GRM1: variants seen among roughly 807,000 people sequenced by gnomAD.
The protein encoded by GRM1 is metabotropic glutamate receptor 1.
A neutral mutation model predicts 90.9 loss-of-function variants in GRM1; 33 were observed. The observed-to-expected ratio is 0.36, with a 90% CI of 0.28 to 0.49. The LOEUF is 0.49. Among genes scored for constraint, GRM1 ranks in the 20% least tolerant of loss-of-function variants. GRM1 has a pLI of 0.99. For missense variants in GRM1, 1,190 were observed against 1,534.3 expected (o/e 0.78, Z 3.75); for synonymous variants, 700 against 613.2 (o/e 1.14, Z -2.09).
intron 2 of GRM1, among the ~76,000 whole-genome samples, chr6:146,166,443 G>A (rs1777906824): frequency 6.6e-6 from 1 of 152,102 alleles, no homozygotes; most frequent in African/African-American, 2.4e-5. Context: ...TACCATTTCA[G>A]CTCTGTTTTT....
intron 7 of GRM1, among the ~76,000 whole-genome samples, chr6:146,408,249 C>G (rs1387682391): frequency 6.6e-6 from 1 of 152,220 alleles, no homozygotes; most frequent in East Asian, 1.9e-4. Flanking sequence ...TTCCAAAGGC[C>G]CTACCTCTTC....
At chr6:146,068,400 A>C (rs1051988064) in intron 1 of GRM1, among the ~76,000 whole-genome samples, 2 of 152,174 alleles carry the variant, frequency 1.3e-5, no homozygotes, top group Non-Finnish European at 2.9e-5. Context: ...GGCATGAGCC[A>C]CCGCGCCCGG....
At chr6:146,041,799 A>T (rs558060022) in intron 1 of GRM1, among the ~76,000 whole-genome samples, 3 of 151,996 alleles carry the variant, frequency 2.0e-5, no homozygotes, top group African/African-American at 4.8e-5. Flanking sequence ...TGTGAGGAAG[A>T]TGGAAGGCAT....
At chr6:146,406,318 G>T (rs1777345860) in intron 7 of GRM1, among the ~76,000 whole-genome samples, 1 of 152,140 alleles carries the variant, frequency 6.6e-6, no homozygotes, top group South Asian at 2.1e-4. Context: ...TATTAACATA[G>T]TATGAAAAAT....
intron 2 of GRM1, among the ~76,000 whole-genome samples, chr6:146,180,573 T>C (rs55743500): frequency 0.044 from 6,723 of 152,312 alleles, 179 homozygotes; most frequent in Admixed American, 0.061. Context: ...CTGATTATTC[T>C]ATTTAAGAAA....
chr6:146,182,056 C>G (rs949455602), intron 2 of GRM1, among the ~76,000 whole-genome samples: 4 of 152,004 alleles, frequency 2.6e-5, no homozygotes, highest in African/African-American at 9.7e-5. Context: ...CCACAGCTTA[C>G]CTAAGAAGTT....
At chr6:146,430,159 A>G (rs1316352400) in intron 7 of GRM1, among the ~76,000 whole-genome samples, 3 of 152,076 alleles carry the variant, frequency 2.0e-5, no homozygotes, top group Non-Finnish European at 2.9e-5. Flanking sequence ...TATTTACACC[A>G]CCCACTCTCA....
At chr6:146,324,370 C>T (rs1309772076) in intron 3 of GRM1, among the ~76,000 whole-genome samples, 1 of 152,192 alleles carries the variant, frequency 6.6e-6, no homozygotes, top group Non-Finnish European at 1.5e-5. Flanking sequence ...AATTGGCTCC[C>T]TGGCTTCAGC....
chr6:146,103,072 G>T (rs984440614), intron 1 of GRM1, among the ~76,000 whole-genome samples: 1 of 152,144 alleles, frequency 6.6e-6, no homozygotes, highest in African/African-American at 2.4e-5. Context: ...CTTGGATGGC[G>T]TGGCTGTCCT....
chr6:146,028,378 T>G (rs536459912), upstream of GRM1, among the ~76,000 whole-genome samples: 7 of 151,962 alleles, frequency 4.6e-5, no homozygotes, highest in South Asian at 1.5e-3. Context: ...TGCCAGGGAA[T>G]GTCTGGCTGG....
rs373872800 is a variant in GRM1, at chr6:146,407,562, C to G, written c.2660+7863C>G. 2.4e-4 allele frequency among the ~76,000 whole-genome samples: 37 copies of G among 152,244 alleles called. 1 individual carries two copies. In the South Asian group the frequency reaches 2.9e-3, roughly 12 times the overall value. On this transcript the variant is annotated intron_variant, in intron 7 of 7. Transcript: ENST00000282753. Reference sequence around the variant, plus strand: ...GTTCTGAAACTTAATATTTTATTCTCATATGTTAATGTGTAGTTTCTAAAC... The same window carrying G: ...GTTCTGAAACTTAATATTTTATTCTGATATGTTAATGTGTAGTTTCTAAAC...
At position 146,243,794 on chromosome 6, in the gene GRM1, A is replaced by T. The variant is rs531359458; in HGVS notation, c.951-60817A>T. On this transcript the variant is annotated intron_variant, in intron 2 of 7. Coordinates refer to ENST00000282753, the MANE Select transcript of GRM1 (RefSeq NM_001278064.2). Reference sequence around the variant, plus strand: ...AAATTTATTAGGTGGGAATGTCCTCATCCTAATAAGCCTGGGAGCACTACG... The same window carrying T: ...AAATTTATTAGGTGGGAATGTCCTCTTCCTAATAAGCCTGGGAGCACTACG... Among the ~76,000 whole-genome samples, 13 of 152,252 alleles carry T rather than the reference A, an allele frequency of 8.5e-5. No individual in the cohort carries two copies. In the South Asian group the frequency reaches 2.7e-3, roughly 32 times the overall value.
At chr6:146,261,764 T>A (rs1004776362) in intron 2 of GRM1, among the ~76,000 whole-genome samples, 2 of 152,016 alleles carry the variant, frequency 1.3e-5, no homozygotes, top group African/African-American at 2.4e-5. Flanking sequence ...TTAATCTAAT[T>A]TTAGCATATG....
At position 146,140,761 on chromosome 6, in the gene GRM1, C is replaced by CT. The variant is rs562674632; in HGVS notation, c.701-18580dup. ...TTAACTTTGTTGAAAAAGTTTTTAA[C>CT]TTTTTTTAACAGAAGTTTAAAACCT... On this transcript the variant is annotated intron_variant, in intron 1 of 7. Coordinates refer to ENST00000282753, the MANE Select transcript of GRM1 (RefSeq NM_001278064.2). 5.3e-3 allele frequency among the ~76,000 whole-genome samples: 801 copies of CT among 152,134 alleles called. 5 individuals are homozygous for CT. The highest frequency in any genetic ancestry group is 0.019 in the African/African-American group (779 of 41,458).
In GRM1 at chr6:146,338,057, A is replaced by G. The variant is rs3025913; in HGVS notation, c.1187-14193A>G. Among the ~76,000 whole-genome samples, 728 of 152,284 alleles carry G rather than the reference A, an allele frequency of 4.8e-3. 4 individuals are homozygous for G. The highest frequency in any genetic ancestry group is 0.017 in the African/African-American group (698 of 41,558). On this transcript the variant is annotated intron_variant, in intron 3 of 7. Coordinates refer to ENST00000282753, the MANE Select transcript of GRM1 (RefSeq NM_001278064.2). ...TCTAAAGAAACGTCTTAATCGAACA[A>G]TTTTACTGCAAATGATTCATACCAA...
chr6:146,174,451 G>A (rs1778258810), intron 2 of GRM1, among the ~76,000 whole-genome samples: 1 of 152,194 alleles, frequency 6.6e-6, no homozygotes, highest in South Asian at 2.1e-4. Context: ...ACCTAGATAA[G>A]TGCAAAGGAG....
At chr6:146,341,825 G>A (rs1448527127) in intron 3 of GRM1, among the ~76,000 whole-genome samples, 1 of 152,138 alleles carries the variant, frequency 6.6e-6, no homozygotes, top group African/African-American at 2.4e-5. Flanking sequence ...TATAGGCATG[G>A]GCGCTGCTTC....
At chr6:146,039,516 T>C (rs1232202879) in intron 1 of GRM1, among the ~76,000 whole-genome samples, 2 of 151,894 alleles carry the variant, frequency 1.3e-5, no homozygotes, top group African/African-American at 4.8e-5. Context: ...GGTGAGCCAG[T>C]GAAGAATTTT....
intron 2 of GRM1, among the ~76,000 whole-genome samples, chr6:146,183,157 C>G (rs114895938): frequency 4.6e-4 from 70 of 152,182 alleles, no homozygotes; most frequent in African/African-American, 1.6e-3. Flanking sequence ...TATCATCTAT[C>G]GTCTAGTCAC....
Sources: allele counts gnomAD v4.1 joint callset (sites outside exome capture counted in the v4.1 genomes callset), GRCh38; gene constraint gnomAD v4.1.1; transcripts MANE v1.5; gene names NCBI Gene and HGNC (gene_info 2026-07-23, HGNC 2026-07-21).